The following RPUSD4 variants were observed in gnomAD, a reference collection of about 807,000 sequenced individuals.
RPUSD4 encodes RNA pseudouridine synthase D4.
In RPUSD4, 37 loss-of-function variants were observed where a neutral mutation model predicts 35.4. The observed-to-expected ratio is 1.04, with a 90% CI of 0.80 to 1.37. The LOEUF (loss-of-function observed/expected upper bound fraction) is 1.37. Among genes scored for constraint, RPUSD4 ranks in the 40% most tolerant of loss-of-function variants. RPUSD4 has a pLI of 0.00. For missense variants in RPUSD4, 507 were observed against 484.9 expected (o/e 1.05, Z -0.43); for synonymous variants, 210 against 192.7 (o/e 1.09, Z -0.74).
chr11:126,204,421 A>G, intron 5 of RPUSD4, 93 bp from the exon 6 acceptor site: 2 of 869,878 alleles, frequency 2.3e-6, no homozygotes, highest in South Asian at 1.6e-5. Context: ...GTGTTACATC[A>G]AAGTGCAGTA....
intron 5 of RPUSD4, among the ~76,000 whole-genome samples, chr11:126,205,155 G>A (rs141247608): frequency 1.3e-5 from 2 of 152,290 alleles, no homozygotes; most frequent in South Asian, 2.1e-4. Flanking sequence ...TGTGAATAAC[G>A]CTGCTATGAA....
intron 3 of RPUSD4, chr11:126,209,175 G>A (rs1178508193): frequency 4.8e-6 from 1 of 207,096 alleles, no homozygotes; most frequent in Admixed American, 5.6e-5. Flanking sequence ...ACTTTTTATA[G>A]AGAAAAGGTG....
chr11:126,211,367 T>G (rs1949864370), intron 1 of RPUSD4, 83 bp downstream of exon 1: 34 of 1,433,784 alleles, frequency 2.4e-5, no homozygotes, highest in Non-Finnish European at 3.2e-5. Flanking sequence ...ACGCTTTCAC[T>G]CAGAGGACCC....
chr11:126,209,393 T>C lies in RPUSD4; in HGVS notation c.557+128A>G, dbSNP rs532331542. On this transcript the variant is annotated intron_variant, in intron 3 of 6. Coordinates refer to ENST00000298317, the MANE Select transcript of RPUSD4 (RefSeq NM_032795.3). ...CTAAGCACCAAAGCTGTTTCACATA[T>C]TTTTTACAATCTCGCAGGTCATAGT... The C allele has an allele frequency of 1.0e-4, 78 of 762,708 alleles. 1 individual carries two copies. The South Asian group carries it at 1.3e-3, about 13-fold the overall frequency. The allele number at this position is 762,708 out of a possible 1,614,324, so 47.2% of individuals were successfully genotyped here.
chr11:126,206,980 G>A (rs1252412113), intron 3 of RPUSD4, among the ~76,000 whole-genome samples: 6 of 152,044 alleles, frequency 3.9e-5, no homozygotes, highest in East Asian at 1.9e-4. Flanking sequence ...ACCTGATACC[G>A]AGAATGGTTA....
In RPUSD4 at chr11:126,203,357, G is replaced by C. The variant is rs1446668479; in HGVS notation, c.*61C>G. On this transcript the variant is annotated 3_prime_UTR_variant, in exon 7 of 7. Transcript: ENST00000298317. ...TTCAGGGGCCAACCTGCGCTCCCAG[G>C]TGCCAGGATGCTCTCAGGGTCTTCA... 3 of 1,582,420 alleles carry C rather than the reference G, an allele frequency of 1.9e-6. No individual in the cohort carries two copies. Among genetic ancestry groups the C allele is most frequent in the Admixed American group, 3.4e-5 (2 of 59,256 alleles).
intron 3 of RPUSD4, among the ~76,000 whole-genome samples, chr11:126,207,859 G>C (rs572803387): frequency 6.6e-6 from 1 of 151,062 alleles, no homozygotes; most frequent in Non-Finnish European, 1.5e-5. Flanking sequence ...GGCCAGGCAC[G>C]GTCTTAAATA....
At chr11:126,209,476 T>C (rs1949814993) in intron 3 of RPUSD4, 45 bp downstream of exon 3, 5 of 1,504,440 alleles carry the variant, frequency 3.3e-6, no homozygotes, top group Non-Finnish European at 4.6e-6. Context: ...GTGAAAGAAA[T>C]GCCTCCACTT....
chr11:126,205,558 G>GC lies in RPUSD4; in HGVS notation c.705dup (p.Arg236AlafsTer51). 1.2e-6 allele frequency: 2 copies of GC among 1,614,258 alleles called. No individual in the cohort carries two copies. The highest frequency in any genetic ancestry group is 1.7e-6 in the Non-Finnish European group (2 of 1,180,038). On this transcript the variant is annotated frameshift_variant, in exon 5 of 7. Transcript: ENST00000298317. LOFTEE classifies it high-confidence loss of function. ...ACAGCAACTTGCGCATTCCGGCTGC[G>GC]CCGCACTTTCACCATTTTCCCATCG... is the stretch of plus-strand genomic sequence containing the variant.
chr11:126,203,973 A>AC (rs1460380173), intron 6 of RPUSD4, among the ~76,000 whole-genome samples: 3 of 151,934 alleles, frequency 2.0e-5, no homozygotes, highest in Non-Finnish European at 2.9e-5. Context: ...CTTCAGAAAC[A>AC]CCCCTCCCCT....
rs2276312 is a variant in RPUSD4 at position 126,204,297 on chromosome 11, A to G, written c.828T>C (p.Ser276=). ...GIKHQLRVHL[S]FGLDCPILGD... ...CAAGGATTGGACAATCCAATCCAAA[A>G]GACAAGTGAACTCGAAGCTGATGTT... The change falls in exon 6 of 7, where the codon TCT becomes TCC. Residue 276 remains serine, a synonymous_variant. Coordinates refer to ENST00000298317, the MANE Select transcript of RPUSD4 (RefSeq NM_032795.3). 240,024 of 1,611,554 alleles carry G rather than the reference A, an allele frequency of 0.15. 27,064 individuals are homozygous for G. The highest frequency in any genetic ancestry group is 0.64 in the East Asian group (28,565 of 44,754).
chr11:126,205,613 C>G lies in RPUSD4; in HGVS notation c.652-1G>C. ...TGCGGTAGCTCGGGGACAATGTCATCTGAAGCCAAAGAAATCAAGATATGA... is the reference window on the plus strand; with the variant it reads ...TGCGGTAGCTCGGGGACAATGTCATGTGAAGCCAAAGAAATCAAGATATGA... On this transcript the variant is annotated splice_acceptor_variant, in intron 4 of 6. Coordinates refer to ENST00000298317, the MANE Select transcript of RPUSD4 (RefSeq NM_032795.3). LOFTEE classifies it high-confidence loss of function. 6.2e-7 allele frequency: 1 copy of G among 1,614,196 alleles called. No homozygotes were observed. The highest frequency in any genetic ancestry group is 1.3e-5 in the African/African-American group (1 of 75,080).
intron 2 of RPUSD4, among the ~76,000 whole-genome samples, chr11:126,210,435 C>A (rs1275679832): frequency 6.6e-6 from 1 of 151,980 alleles, no homozygotes; most frequent in African/African-American, 2.4e-5. Context: ...CTGACAACTA[C>A]ATGCAACATC....
chr11:126,211,307 C>G, intron 1 of RPUSD4, 143 bp downstream of exon 1: 1 of 1,030,892 alleles, frequency 9.7e-7, no homozygotes, highest in African/African-American at 1.6e-5. Flanking sequence ...TGACCCCTCC[C>G]CTCCGCCTTC....
intron 1 of RPUSD4, 94 bp downstream of exon 1, chr11:126,211,356 C>T (rs1949864217): frequency 2.2e-5 from 30 of 1,362,530 alleles, no homozygotes; most frequent in Non-Finnish European, 2.7e-5. Flanking sequence ...TATTGACTCA[C>T]ACGCTTTCAC....
intron 2 of RPUSD4, 74 bp downstream of exon 2, chr11:126,210,816 G>A: frequency 6.9e-7 from 1 of 1,456,720 alleles, no homozygotes; most frequent in Non-Finnish European, 9.4e-7. Context: ...TGCACCACAA[G>A]TAACGTCTCA....
chr11:126,211,198 G>A (rs1591492435), intron 1 of RPUSD4, 143 bp from the exon 2 acceptor site: 1 of 1,042,352 alleles, frequency 9.6e-7, no homozygotes. Flanking sequence ...TTTGAGAGCA[G>A]AGATACCCAT....
At position 126,209,637 on chromosome 11, in the gene RPUSD4, A is replaced by G; in HGVS notation, c.441T>C (p.His147=). The stretch of plus-strand genomic sequence containing the variant: ...TTTCCTTGTCCAGCCGGTGGCACAG[A>G]TGCAAGGGCTCTGCCTTGTGGCCAT... ...MLHGHKAEPL[H]LCHRLDKETT... is the part of the protein sequence containing the mutation. Residue 147 remains histidine (H), a synonymous_variant, in exon 3 of 7, where the codon CAT becomes CAC. Coordinates refer to ENST00000298317, the MANE Select transcript of RPUSD4 (RefSeq NM_032795.3). 2.5e-6 allele frequency: 4 copies of G among 1,614,238 alleles called. No homozygotes were observed. The highest frequency in any genetic ancestry group is 3.4e-6 in the Non-Finnish European group (4 of 1,180,050).
intron 1 of RPUSD4, 165 bp downstream of exon 1, chr11:126,211,285 C>A: frequency 1.0e-6 from 1 of 953,726 alleles, no homozygotes. Context: ...CGGGAAAACA[C>A]CGTACCCTTA....
Sources: allele counts gnomAD v4.1 joint callset (sites outside exome capture counted in the v4.1 genomes callset), GRCh38; gene constraint gnomAD v4.1.1; transcripts MANE v1.5; gene names NCBI Gene and HGNC (gene_info 2026-07-23, HGNC 2026-07-21).